Variants in IMPG2 observed in about 807,000 individuals in gnomAD.
IMPG2 encodes the protein IPM 200.
In IMPG2, 91 loss-of-function variants were observed where a neutral mutation model predicts 129.2. The ratio of observed to expected loss-of-function variants is 0.70; its 90% confidence interval spans 0.59 to 0.84. The LOEUF is 0.84. Among genes scored for constraint, IMPG2 ranks in the 40% least tolerant of loss-of-function variants. The probability of loss-of-function intolerance (pLI) is 0.00; values close to 1 mark genes in which losing one functional copy is unlikely to be tolerated. For missense variants in IMPG2, 1,430 were observed against 1,461.7 expected, an observed-to-expected ratio of 0.98 and a Z score of 0.35; for synonymous variants, 510 against 517.7, an observed-to-expected ratio of 0.99 and a Z score of 0.20.
intron 17 of IMPG2, 72 bp from the exon 18 acceptor site, chr3:101,228,948 T>C: frequency 3.7e-6 from 4 of 1,068,080 alleles, no homozygotes; most frequent in Non-Finnish European, 5.8e-6. Flanking sequence ...AAAGGGGTTC[T>C]AATTTTCATA....
chr3:101,274,659 T>A (rs184398805), intron 6 of IMPG2, among the ~76,000 whole-genome samples: 82 of 152,356 alleles, frequency 5.4e-4, no homozygotes, highest in Admixed American at 2.0e-3. Context: ...CTGTTTTGGA[T>A]ATTAACGTTC....
At chr3:101,286,388 G>A (rs1706946039) in intron 4 of IMPG2, among the ~76,000 whole-genome samples, 1 of 152,098 alleles carries the variant, frequency 6.6e-6, no homozygotes, top group Non-Finnish European at 1.5e-5. Flanking sequence ...ATTAGGCCCA[G>A]ATTTACAGTG....
intron 10 of IMPG2, 74 bp from the exon 11 acceptor site, chr3:101,253,855 A>G: frequency 9.9e-7 from 1 of 1,007,490 alleles, no homozygotes; most frequent in Non-Finnish European, 1.5e-6. Context: ...GACAACTGAA[A>G]GTCAAGTTCT....
Position 101,245,971 on chromosome 3 carries a change from T to A in IMPG2, c.1374A>T (p.Leu458Phe). 1 of 1,614,142 alleles carries A rather than the reference T, an allele frequency of 6.2e-7. No individual in the cohort carries two copies. The highest frequency in any genetic ancestry group is 8.5e-7 in the Non-Finnish European group (1 of 1,180,008). The change falls in exon 12 of 19, where the codon TTA becomes TTT. Residue 458 changes from leucine to phenylalanine, a missense_variant. Physicochemically the swap from Leu to Phe is conservative, Grantham distance 22. Transcript: ENST00000193391. The part of the protein sequence containing the change: ...ELWSESPLGD[L>F]VSTHKLAFPS... ...GAAAGGCTAATTTGTGTGTAGACAC[T>A]AAATCACCCAAAGGACTTTCTGACC... is the stretch of plus-strand genomic sequence containing the variant.
chr3:101,280,565 A>T (rs1234399837), intron 4 of IMPG2, among the ~76,000 whole-genome samples: 2 of 152,212 alleles, frequency 1.3e-5, no homozygotes, highest in African/African-American at 4.8e-5. Context: ...CATCAGAAAA[A>T]GTATGAAATG....
chr3:101,290,783 T>G (rs530371301), intron 4 of IMPG2, among the ~76,000 whole-genome samples: 108 of 152,286 alleles, frequency 7.1e-4, no homozygotes, highest in African/African-American at 2.3e-3. Flanking sequence ...CTCACCTACT[T>G]GGTTTTTTCA....
At chr3:101,249,619 C>A (rs577777127) in intron 11 of IMPG2, among the ~76,000 whole-genome samples, 1 of 151,112 alleles carries the variant, frequency 6.6e-6, no homozygotes, top group African/African-American at 2.4e-5. Flanking sequence ...AGTCTAATAA[C>A]CAAATCTTCT....
At position 101,297,093 on chromosome 3, in the gene IMPG2, A is replaced by G. The variant is rs577076626; in HGVS notation, c.502-5583T>C. On this transcript the variant is annotated intron_variant, in intron 3 of 18. Coordinates refer to ENST00000193391, the MANE Select transcript of IMPG2 (RefSeq NM_016247.4). ...CCTGGCTAATTTTTTGTATTTTAGT[A>G]GAGACAGGGTTTCACCATGTTAGCC... Among the ~76,000 whole-genome samples, 7 of 152,134 alleles carry G rather than the reference A, an allele frequency of 4.6e-5. No homozygotes were observed. The South Asian group carries it at 6.2e-4, about 14-fold the overall frequency.
chr3:101,278,225 A>G lies in IMPG2; in HGVS notation c.534-1512T>C, dbSNP rs1706858158. 3.3e-5 allele frequency among the ~76,000 whole-genome samples: 5 copies of G among 152,188 alleles called. No homozygotes were observed. In the South Asian group the frequency reaches 1.0e-3, roughly 32 times the overall value. ...ACTCCAGCCTGGGTGACAGAGGAAG[A>G]CTCTGCCTCTAAATAAATAAATAAA... On this transcript the variant is annotated intron_variant, in intron 4 of 18. Coordinates refer to ENST00000193391, the MANE Select transcript of IMPG2 (RefSeq NM_016247.4).
intron 6 of IMPG2, among the ~76,000 whole-genome samples, chr3:101,275,431 C>T (rs1706830286): frequency 6.6e-6 from 1 of 152,132 alleles, no homozygotes; most frequent in South Asian, 2.1e-4. Flanking sequence ...AATGACAGTC[C>T]ACTTCATTTA....
In IMPG2 at chr3:101,242,910, A is replaced by C; in HGVS notation, c.2803-3T>G. The C allele has an allele frequency of 6.2e-7, 1 of 1,611,256 alleles. No individual in the cohort carries two copies. Among genetic ancestry groups the C allele is most frequent in the Non-Finnish European group, 8.5e-7 (1 of 1,177,490 alleles). ...TTTGACTGGAGATAGGGAACCAGCT[A>C]CAATATACAAAAGTGGTAAGTTTAT... is the stretch of plus-strand genomic sequence containing the variant. On this transcript the variant is annotated splice_polypyrimidine_tract_variant and splice_region_variant and intron_variant, in intron 13 of 18. Transcript: ENST00000193391.
chr3:101,288,085 A>T (rs1268941044), intron 4 of IMPG2, among the ~76,000 whole-genome samples: 1 of 152,064 alleles, frequency 6.6e-6, no homozygotes, highest in African/African-American at 2.4e-5. Context: ...GGCAAAGGAA[A>T]AGACACTTCT....
At chr3:101,267,422 T>C in intron 9 of IMPG2, 89 bp downstream of exon 9, 3 of 1,087,982 alleles carry the variant, frequency 2.8e-6, no homozygotes, top group South Asian at 1.3e-5. Flanking sequence ...ATATAATATT[T>C]GAGTTATGCT....
intron 16 of IMPG2, among the ~76,000 whole-genome samples, chr3:101,230,700 T>C (rs895766794): frequency 6.6e-6 from 1 of 152,188 alleles, no homozygotes; most frequent in African/African-American, 2.4e-5. Context: ...ACAGCCATCA[T>C]TAAAACTTTT....
At chr3:101,319,862 G>A (rs905885794) in intron 1 of IMPG2, 30 bp from the exon 2 acceptor site, 20 of 1,600,660 alleles carry the variant, frequency 1.2e-5, no homozygotes, top group African/African-American at 1.1e-4. Flanking sequence ...TCAAGTCTTC[G>A]ATAATGAAGA....
Position 101,258,415 on chromosome 3 carries a change from G to A in IMPG2, c.909-642C>T, listed in dbSNP as rs1057078575. 4.6e-5 allele frequency among the ~76,000 whole-genome samples: 7 copies of A among 152,112 alleles called. No individual in the cohort carries two copies. The East Asian group carries it at 1.4e-3, about 29-fold the overall frequency. On this transcript the variant is annotated intron_variant, in intron 9 of 18. Transcript: ENST00000193391. ...TAAATTGTAAAAAAACTATTATGAAGTAATTTTTTTCTTGGCCTGGTAGGA... is the reference window on the plus strand; with the variant it reads ...TAAATTGTAAAAAAACTATTATGAAATAATTTTTTTCTTGGCCTGGTAGGA...
At position 101,243,699 on chromosome 3, in the gene IMPG2, C is replaced by A; in HGVS notation, c.2632G>T (p.Val878Phe). 1 of 1,614,092 alleles carries A rather than the reference C, an allele frequency of 6.2e-7. No individual in the cohort carries two copies. The highest frequency in any genetic ancestry group is 2.2e-5 in the East Asian group (1 of 44,888). ...CCTTCTGTGGGCCAAGCCACACTAA[C>A]CATCTCTGTGGAGTGAACACTTGTT... The part of the protein sequence containing the change: ...MSTSVHSTEM[V>F]SVAWPTEGGD... Residue 878 changes from valine (V) to phenylalanine (F), a missense_variant, in exon 13 of 19, where the codon GTT becomes TTT. Coordinates refer to ENST00000193391, the MANE Select transcript of IMPG2 (RefSeq NM_016247.4).
intron 14 of IMPG2, among the ~76,000 whole-genome samples, chr3:101,238,032 C>G (rs1191935784): frequency 2.6e-5 from 4 of 151,746 alleles, no homozygotes; most frequent in Admixed American, 1.3e-4. Context: ...ACATAAATGA[C>G]CTGATGGAGC....
chr3:101,267,015 C>T (rs1375905415), intron 9 of IMPG2, among the ~76,000 whole-genome samples: 1 of 152,078 alleles, frequency 6.6e-6, no homozygotes, highest in Non-Finnish European at 1.5e-5. Flanking sequence ...AGAAGGAAAT[C>T]CTGTGATTCA....
Sources: gnomAD v4.1 joint callset for allele counts (sites outside exome capture counted in the v4.1 genomes callset) on GRCh38, gnomAD v4.1.1 for gene constraint, MANE v1.5 for transcripts, NCBI Gene and HGNC (gene_info 2026-07-23, HGNC 2026-07-21) for gene names.